The following COL24A1 variants were observed in gnomAD, a reference collection of about 807,000 sequenced individuals.
COL24A1 encodes collagen type XXIV alpha 1 chain, also known as collagen alpha-1(XXIV) chain.
A neutral mutation model predicts 253.9 loss-of-function variants in COL24A1; 224 were observed. The observed-to-expected ratio is 0.88, with a 90% CI of 0.79 to 0.99. COL24A1 has a LOEUF of 0.99. Among genes scored for constraint, COL24A1 ranks in the 50% least tolerant of loss-of-function variants. COL24A1 has a pLI of 0.00. For synonymous variants in COL24A1, 685 were observed against 673.7 expected, an observed-to-expected ratio of 1.02 and a Z score of -0.26; for missense variants, 2,131 against 2,068.5, an observed-to-expected ratio of 1.03 and a Z score of -0.59.
At chr1:85,734,020 A>T (rs572392594) in intron 59 of COL24A1, among the ~76,000 whole-genome samples, 6 of 150,770 alleles carry the variant, frequency 4.0e-5, no homozygotes, top group Non-Finnish European at 8.8e-5. Context: ...CTCCTGCCTC[A>T]GTCTCCCAGG....
At chr1:85,986,760 A>C (rs1693755194) in intron 20 of COL24A1, among the ~76,000 whole-genome samples, 1 of 151,852 alleles carries the variant, frequency 6.6e-6, no homozygotes, top group Admixed American at 6.6e-5. Context: ...GCTATAATCA[A>C]GATCCTTTCC....
At chr1:86,118,936 G>A (rs1386975978) in intron 3 of COL24A1, among the ~76,000 whole-genome samples, 1 of 152,218 alleles carries the variant, frequency 6.6e-6, no homozygotes, top group Non-Finnish European at 1.5e-5. Flanking sequence ...AGAGGCAGTT[G>A]CAGAGGTAAG....
At chr1:85,955,082 G>A (rs1690302014) in intron 24 of COL24A1, among the ~76,000 whole-genome samples, 2 of 152,180 alleles carry the variant, frequency 1.3e-5, no homozygotes, top group South Asian at 4.1e-4. Flanking sequence ...CCCATCCTGT[G>A]CCGCTATAAG....
intron 24 of COL24A1, among the ~76,000 whole-genome samples, chr1:85,954,310 A>C (rs932553793): frequency 6.6e-6 from 1 of 152,196 alleles, no homozygotes; most frequent in Non-Finnish European, 1.5e-5. Flanking sequence ...AATATGGTAC[A>C]TGTGGCCCCA....
intron 24 of COL24A1, among the ~76,000 whole-genome samples, chr1:85,926,014 G>T (rs1687160392): frequency 6.6e-6 from 1 of 152,044 alleles, no homozygotes; most frequent in South Asian, 2.1e-4. Flanking sequence ...GTGGGCAAAG[G>T]ATATGAACAG....
At chr1:85,798,447 T>A (rs1292751222) in intron 47 of COL24A1, among the ~76,000 whole-genome samples, 3 of 152,224 alleles carry the variant, frequency 2.0e-5, no homozygotes, top group Non-Finnish European at 4.4e-5. Flanking sequence ...AACCTCTTAA[T>A]AATGAGATGA....
At chr1:86,007,298 G>A (rs1008698044) in intron 19 of COL24A1, among the ~76,000 whole-genome samples, 8 of 151,992 alleles carry the variant, frequency 5.3e-5, no homozygotes, top group Non-Finnish European at 1.5e-5. Flanking sequence ...TCACTAAAAT[G>A]GCCAAAATCC....
intron 24 of COL24A1, among the ~76,000 whole-genome samples, chr1:85,920,770 C>T (rs1178788042): frequency 1.3e-5 from 2 of 151,806 alleles, no homozygotes; most frequent in Non-Finnish European, 2.9e-5. Context: ...AGTAAGCCAA[C>T]AGACAGTTGT....
chr1:86,067,618 A>T (rs1701588961), intron 7 of COL24A1, among the ~76,000 whole-genome samples: 2 of 152,224 alleles, frequency 1.3e-5, no homozygotes, highest in South Asian at 4.1e-4. Flanking sequence ...GAAAGGTGAT[A>T]AATAGAATAA....
chr1:85,913,173 C>A (rs1685536914), intron 24 of COL24A1, among the ~76,000 whole-genome samples: 2 of 152,130 alleles, frequency 1.3e-5, no homozygotes. Context: ...CTGAGACAAT[C>A]TATTATCAAT....
intron 5 of COL24A1, among the ~76,000 whole-genome samples, chr1:86,092,708 T>A (rs1165511723): frequency 6.6e-6 from 1 of 151,890 alleles, no homozygotes; most frequent in Non-Finnish European, 1.5e-5. Context: ...CTTATAATAA[T>A]CCTTAAAATT....
rs185442496 is a variant in COL24A1, at chr1:85,788,382, C to T, written c.3952-1921G>A. ...CTGGGATTATAGGCGTGAGCCACCG[C>T]GCCTGGCCCTTTGCCCACTTTTTAA... On this transcript the variant is annotated intron_variant, in intron 47 of 59. Coordinates refer to ENST00000370571, the MANE Select transcript of COL24A1 (RefSeq NM_152890.7). Among the ~76,000 whole-genome samples, 144 of 152,206 alleles carry T rather than the reference C, an allele frequency of 9.5e-4. 1 individual carries two copies. Among genetic ancestry groups the T allele is most frequent in the Admixed American group, 8.5e-3 (130 of 15,282 alleles).
intron 23 of COL24A1, among the ~76,000 whole-genome samples, chr1:85,961,859 A>C (rs1328082923): frequency 6.6e-6 from 1 of 152,104 alleles, no homozygotes; most frequent in Non-Finnish European, 1.5e-5. Flanking sequence ...CTATCCCAAG[A>C]ATAGCAAGGC....
intron 8 of COL24A1, among the ~76,000 whole-genome samples, chr1:86,062,616 T>G (rs888810739): frequency 6.6e-6 from 1 of 152,126 alleles, no homozygotes; most frequent in African/African-American, 2.4e-5. Flanking sequence ...GTTTCCTCCA[T>G]TGGAATCCAC....
At chr1:85,849,453 T>C in intron 37 of COL24A1, 47 bp from the exon 38 acceptor site, 1 of 1,383,262 alleles carries the variant, frequency 7.2e-7, no homozygotes. Flanking sequence ...AAAGAAAAGA[T>C]GAGATGGAGT....
intron 53 of COL24A1, among the ~76,000 whole-genome samples, chr1:85,763,031 T>C (rs1017243293): frequency 6.6e-6 from 1 of 152,172 alleles, no homozygotes; most frequent in Non-Finnish European, 1.5e-5. Flanking sequence ...TAAAAAAATA[T>C]GATTCCAACA....
At chr1:85,736,849 TTATAA>T (rs919467163) in intron 58 of COL24A1, among the ~76,000 whole-genome samples, 91 of 152,308 alleles carry the variant, frequency 6.0e-4, no homozygotes, top group Middle Eastern at 6.8e-3. Context: ...ACTCCCAGTG[TTATAA>T]TATATGTTAG....
At chr1:86,001,996 G>A (rs1695462968) in intron 19 of COL24A1, among the ~76,000 whole-genome samples, 1 of 152,210 alleles carries the variant, frequency 6.6e-6, no homozygotes, top group Non-Finnish European at 1.5e-5. Context: ...AGCTCCTGAA[G>A]TCAGGACCTA....
At chr1:85,746,358 G>C (rs974838623) in intron 55 of COL24A1, among the ~76,000 whole-genome samples, 2 of 152,088 alleles carry the variant, frequency 1.3e-5, no homozygotes, top group African/African-American at 2.4e-5. Context: ...ACTCTCCCTT[G>C]CTTCAGCATG....
Sources: gnomAD v4.1 joint callset for allele counts (sites outside exome capture counted in the v4.1 genomes callset) on GRCh38, gnomAD v4.1.1 for gene constraint, MANE v1.5 for transcripts, NCBI Gene and HGNC (gene_info 2026-07-23, HGNC 2026-07-21) for gene names.